The following GOSR2 variants were observed in gnomAD, a reference collection of about 807,000 sequenced individuals.
The protein encoded by GOSR2 is golgi SNAP receptor complex member 2.
In GOSR2, 20 loss-of-function variants were observed where a neutral mutation model predicts 27.9. That is an observed-to-expected ratio of 0.72 (90% CI 0.50 to 1.04). The LOEUF (loss-of-function observed/expected upper bound fraction) is 1.04. Among genes scored for constraint, GOSR2 ranks in the 50% least tolerant of loss-of-function variants. GOSR2 has a pLI of 0.00. For synonymous variants in GOSR2, 91 were observed against 98.8 expected, an observed-to-expected ratio of 0.92 and a Z score of 0.47; for missense variants, 261 against 270.5, an observed-to-expected ratio of 0.97 and a Z score of 0.25.
chr17:46,942,542 G>T (rs1408619795), downstream of GOSR2, among the ~76,000 whole-genome samples: 1 of 152,212 alleles, frequency 6.6e-6, no homozygotes, highest in Non-Finnish European at 1.5e-5. Flanking sequence ...TGAGAGGTGT[G>T]CAGGGGACTG....
intron 4 of GOSR2, chr17:46,932,699 C>G (rs2087592678): frequency 4.7e-6 from 1 of 214,722 alleles, no homozygotes; most frequent in African/African-American, 2.3e-5. Context: ...GTTAGATGGA[C>G]TGCTTGCCTG....
At chr17:46,943,316 G>C (rs568026928), downstream of GOSR2, among the ~76,000 whole-genome samples, 1 of 152,266 alleles carries the variant, frequency 6.6e-6, no homozygotes, top group South Asian at 2.1e-4. Flanking sequence ...AAAGCACCTT[G>C]ATGTGACAGG....
intron 5 of GOSR2, chr17:46,935,398 A>C: frequency 1.4e-6 from 2 of 1,435,642 alleles, no homozygotes; most frequent in South Asian, 3.1e-5. Flanking sequence ...GGCCTCTCTT[A>C]GGATCCAGGT....
At chr17:46,944,016 A>T (rs1263353256), downstream of GOSR2, among the ~76,000 whole-genome samples, 1 of 152,132 alleles carries the variant, frequency 6.6e-6, no homozygotes, top group Non-Finnish European at 1.5e-5. Context: ...CAATTCCATT[A>T]GTGTGGTTCC....
At chr17:46,975,295 C>A (rs1243712558) in exon 7 of GOSR2, 1 of 152,132 alleles carries the variant, frequency 6.6e-6, no homozygotes. Context: ...GGATCCCAGG[C>A]CTTCTCTCTT....
chr17:46,923,675 A>G (rs1297861080), intron 1 of GOSR2: 9 of 857,170 alleles, frequency 1.0e-5, no homozygotes, highest in African/African-American at 1.7e-5. Flanking sequence ...GATTTATACT[A>G]AAGACCACAT....
chr17:46,975,691 A>G (rs1420837175), downstream of GOSR2, among the ~76,000 whole-genome samples: 2 of 151,862 alleles, frequency 1.3e-5, no homozygotes, highest in Non-Finnish European at 2.9e-5. Flanking sequence ...GTGAGCATAC[A>G]CTCACACCAT....
intron 5 of GOSR2, chr17:46,936,881 G>A: frequency 1.0e-6 from 1 of 965,164 alleles, no homozygotes; most frequent in African/African-American, 1.8e-5. Context: ...TGGGCAGAAT[G>A]TAGATTTTGG....
At chr17:46,952,043 G>A (rs1472163833) in intron 6 of GOSR2, among the ~76,000 whole-genome samples, 2 of 152,156 alleles carry the variant, frequency 1.3e-5, no homozygotes, top group African/African-American at 4.8e-5. Context: ...AGGGAGAGGG[G>A]GAGATTCCTG....
At chr17:46,966,080 G>T (rs186543421) in intron 6 of GOSR2, among the ~76,000 whole-genome samples, 1 of 151,966 alleles carries the variant, frequency 6.6e-6, no homozygotes, top group Admixed American at 6.6e-5. Flanking sequence ...TATGTCTAAC[G>T]ATGGATCATT....
Position 46,931,155 on chromosome 17 carries a change from C to T in GOSR2, c.151C>T (p.Leu51=). Residue 51 remains leucine (L), a synonymous_variant, in exon 3 of 6, where the codon CTG becomes TTG. Transcript: ENST00000640051. The stretch of plus-strand genomic sequence containing the variant: ...CCAGATATTCAGCCGTCTAGAACGT[C>T]TGGAGATTTTGTCCAGCAAGGAGCC... ...IDQIFSRLER[L]EILSSKEPPN... 1.2e-6 allele frequency: 2 copies of T among 1,611,956 alleles called. No individual in the cohort carries two copies. Among genetic ancestry groups the T allele is most frequent in the Non-Finnish European group, 8.5e-7 (1 of 1,178,010 alleles).
chr17:46,924,115 T>G lies in GOSR2; in HGVS notation c.29+894T>G. ...TCATCCCAGTGTGCCTGTTAATCAGTAGCACTTCATTTCTTCCTTCCAGAA... is the reference window on the plus strand; with the variant it reads ...TCATCCCAGTGTGCCTGTTAATCAGGAGCACTTCATTTCTTCCTTCCAGAA... On this transcript the variant is annotated intron_variant, in intron 1 of 5. Transcript: ENST00000640051. 4 of 353,278 alleles carry G rather than the reference T, an allele frequency of 1.1e-5. 1 individual carries two copies. The South Asian group carries it at 6.0e-4, about 53-fold the overall frequency. 21.9% of individuals were successfully genotyped at this position (353,278 alleles called of 1,614,324 possible).
exon 7 of GOSR2, chr17:46,966,603 C>T: frequency 1.5e-6 from 1 of 688,054 alleles, no homozygotes; most frequent in Admixed American, 2.0e-5. Context: ...CCTGCATCAG[C>T]CTCCCGAAGT....
At chr17:46,931,071 C>CA in intron 2 of GOSR2, 28 bp from the exon 3 acceptor site, 1 of 1,164,184 alleles carries the variant, frequency 8.6e-7, no homozygotes, top group Non-Finnish European at 1.3e-6. Context: ...TCTTTTCCAG[C>CA]AATTATTCTT....
intron 6 of GOSR2, among the ~76,000 whole-genome samples, chr17:46,972,826 G>C (rs1269609789): frequency 6.6e-6 from 1 of 152,040 alleles, no homozygotes; most frequent in African/African-American, 2.4e-5. Context: ...AGCATCTCGA[G>C]GGCAGAGCCT....
rs1389401271 is a variant in GOSR2 at position 46,941,011 on chromosome 17, G to C, written c.*2251G>C. The C allele has an allele frequency of 5.4e-6, 6 of 1,120,984 alleles. No individual in the cohort carries two copies. In the East Asian group the frequency reaches 3.7e-4, roughly 69 times the overall value. 69.4% of individuals were successfully genotyped at this position (1,120,984 alleles called of 1,614,324 possible). A position where few individuals can be genotyped will look rare whatever the true frequency, so the allele number is the denominator to read the frequency against. On this transcript the variant is annotated 3_prime_UTR_variant, in exon 6 of 6. Coordinates refer to ENST00000640051, the MANE Select transcript of GOSR2 (RefSeq NM_004287.5). ...CAGGGAAGGAGCACCCTCTAGTGGA[G>C]GCGGGGGTGAATTCTTAGGTCGAGC... is the stretch of plus-strand genomic sequence containing the variant.
chr17:46,960,972 T>G (rs2091015904), intron 6 of GOSR2, among the ~76,000 whole-genome samples: 1 of 152,042 alleles, frequency 6.6e-6, no homozygotes. Context: ...AAAGTAAATT[T>G]TACCCTAAAT....
chr17:46,936,158 C>T (rs1599030740), intron 5 of GOSR2: 12 of 984,604 alleles, frequency 1.2e-5, no homozygotes, highest in South Asian at 4.7e-5. Context: ...GCCTGCTGGG[C>T]GCTCCCCTTT....
At chr17:46,932,292 C>A in intron 4 of GOSR2, 93 bp downstream of exon 4, 1 of 1,422,922 alleles carries the variant, frequency 7.0e-7, no homozygotes, top group Non-Finnish European at 9.9e-7. Flanking sequence ...TTGGGGGTGT[C>A]TGAAGAAGAC....
Sources: gnomAD v4.1 joint callset for allele counts (sites outside exome capture counted in the v4.1 genomes callset) on GRCh38, gnomAD v4.1.1 for gene constraint, MANE v1.5 for transcripts, NCBI Gene and HGNC (gene_info 2026-07-23, HGNC 2026-07-21) for gene names.